Variants in PTPRG observed in about 807,000 individuals in gnomAD.
PTPRG encodes the protein protein tyrosine phosphatase receptor type G.
In PTPRG, 102 loss-of-function variants were observed where a neutral mutation model predicts 165.3. The ratio of observed to expected loss-of-function variants is 0.62; its 90% CI spans 0.53 to 0.73. The LOEUF is 0.73. PTPRG is among the 30% of genes least tolerant of loss of function. The pLI is 0.00. For synonymous variants in PTPRG, 675 were observed against 669.5 expected (o/e 1.01, Z -0.13); for missense variants, 1,866 against 1,861.4 (o/e 1.00, Z -0.05).
At chr3:61,928,292 C>G (rs1388933246) in intron 2 of PTPRG, among the ~76,000 whole-genome samples, 3 of 152,144 alleles carry the variant, frequency 2.0e-5, no homozygotes, top group Admixed American at 1.3e-4. Context: ...CTAGTCTCTC[C>G]TGCAGAATAA....
At chr3:61,997,884 C>T (rs1206662435) in intron 3 of PTPRG, among the ~76,000 whole-genome samples, 1 of 152,142 alleles carries the variant, frequency 6.6e-6, no homozygotes, top group African/African-American at 2.4e-5. Flanking sequence ...CAGGGCAACC[C>T]TCTGATGTCA....
chr3:62,181,264 C>T (rs185428157), intron 8 of PTPRG, among the ~76,000 whole-genome samples: 4 of 152,268 alleles, frequency 2.6e-5, no homozygotes, highest in Admixed American at 2.0e-4. Context: ...ATTCTGGCCT[C>T]GGCAGCCAGA....
At chr3:61,562,532 T>C (rs957769079) in intron 1 of PTPRG, among the ~76,000 whole-genome samples, 160 bp downstream of exon 1, 17 of 151,490 alleles carry the variant, frequency 1.1e-4, no homozygotes, top group African/African-American at 4.1e-4. Context: ...CTCCGCTGGC[T>C]TGGATGATGT....
chr3:61,941,313 C>G lies in PTPRG; in HGVS notation c.191-48312C>G, dbSNP rs72884141. Among the ~76,000 whole-genome samples, 749 of 152,344 alleles carry G rather than the reference C, an allele frequency of 4.9e-3. 8 individuals are homozygous for G. The highest frequency in any genetic ancestry group is 0.017 in the African/African-American group (716 of 41,584). ...TCTATCAGGGATAATCTCAGAGAGT[C>G]AGATGATCAGTTAAGAGGTCAGTGA... On this transcript the variant is annotated intron_variant, in intron 2 of 29. Transcript: ENST00000474889.
chr3:62,012,293 A>G (rs1435522860), intron 4 of PTPRG, among the ~76,000 whole-genome samples: 1 of 152,116 alleles, frequency 6.6e-6, no homozygotes, highest in Non-Finnish European at 1.5e-5. Flanking sequence ...CACCTTAACC[A>G]TAATTGGTTT....
At chr3:62,281,069 C>A (rs1041130214) in intron 26 of PTPRG, among the ~76,000 whole-genome samples, 1 of 151,944 alleles carries the variant, frequency 6.6e-6, no homozygotes, top group Non-Finnish European at 1.5e-5. Flanking sequence ...TTATAGTAAC[C>A]TTTTTACTAT....
chr3:62,255,046 G>A lies in PTPRG; in HGVS notation c.2468-78G>A, dbSNP rs1194805533. 1 of 1,222,848 alleles carries A rather than the reference G, an allele frequency of 8.2e-7. No homozygotes were observed. Among genetic ancestry groups the A allele is most frequent in the Non-Finnish European group, 1.2e-6 (1 of 856,138 alleles). The allele number at this position is 1,222,848 out of a possible 1,614,324, so 75.7% of individuals were successfully genotyped here. On this transcript the variant is annotated intron_variant, in intron 15 of 29. Transcript: ENST00000474889. This position sits in a 1 kb window ranked among gnomAD's most constrained non-coding sequence, Gnocchi z 4.0. Reference sequence around the variant, plus strand: ...TGCAAAAATCAAGTATTTGTCTTAAGGATGCTTTGCTTTATCAGTGTAATT... The same window carrying A: ...TGCAAAAATCAAGTATTTGTCTTAAAGATGCTTTGCTTTATCAGTGTAATT...
At chr3:61,736,987 C>T (rs775479531) in intron 1 of PTPRG, among the ~76,000 whole-genome samples, 3 of 152,148 alleles carry the variant, frequency 2.0e-5, no homozygotes, top group Non-Finnish European at 4.4e-5. Flanking sequence ...CCTGAAGGAT[C>T]CTGACTTGGT....
At chr3:62,268,886 G>C (rs1471239882) in intron 19 of PTPRG, 149 bp from the exon 20 acceptor site, 2 of 801,504 alleles carry the variant, frequency 2.5e-6, no homozygotes, top group South Asian at 6.8e-5. Flanking sequence ...GGTCACACCT[G>C]CCTTTAAGCA....
intron 6 of PTPRG, among the ~76,000 whole-genome samples, chr3:62,140,604 T>C (rs1164426504): frequency 6.6e-6 from 1 of 152,040 alleles, no homozygotes; most frequent in Non-Finnish European, 1.5e-5. Context: ...CCCAGCACTT[T>C]GGGAGGCCGA....
intron 4 of PTPRG, among the ~76,000 whole-genome samples, chr3:62,074,180 AGTGTGTGTGTGTGTGT>A (rs140019903): frequency 7.0e-6 from 1 of 143,598 alleles, no homozygotes; most frequent in Non-Finnish European, 1.5e-5. Context: ...AAAAAGTGAG[AGTGTGTGTGTGTGTGT>A]GTGTGTGTGT....
At chr3:62,064,721 ATTTTTTTTT>A (rs35605831) in intron 4 of PTPRG, among the ~76,000 whole-genome samples, 6 of 62,930 alleles carry the variant, frequency 9.5e-5, no homozygotes, top group South Asian at 8.2e-4. Flanking sequence ...GGTTATTTGG[ATTTTTTTTT>A]TTTTTTTTTT....
intron 2 of PTPRG, among the ~76,000 whole-genome samples, chr3:61,932,022 A>AT (rs1337704188): frequency 6.6e-6 from 1 of 151,964 alleles, no homozygotes; most frequent in Non-Finnish European, 1.5e-5. Context: ...TTCATTTTTT[A>AT]TTTTTTTACT....
chr3:61,737,247 G>A (rs183960999), intron 1 of PTPRG, among the ~76,000 whole-genome samples: 1 of 152,032 alleles, frequency 6.6e-6, no homozygotes, highest in East Asian at 1.9e-4. Flanking sequence ...TGTATCATGT[G>A]TGTTTCACTT....
chr3:61,652,765 G>A (rs1314522769), intron 1 of PTPRG, among the ~76,000 whole-genome samples: 2 of 152,136 alleles, frequency 1.3e-5, no homozygotes, highest in African/African-American at 4.8e-5. Context: ...AGTATTCCTG[G>A]CCTCCACTCA....
At chr3:61,767,700 G>A (rs2034070678) in intron 2 of PTPRG, among the ~76,000 whole-genome samples, 2 of 152,154 alleles carry the variant, frequency 1.3e-5, no homozygotes, top group Non-Finnish European at 2.9e-5. Flanking sequence ...TGGGCATAAT[G>A]GCTCATGCCT....
intron 26 of PTPRG, among the ~76,000 whole-genome samples, chr3:62,279,880 G>A (rs1702367217): frequency 6.6e-6 from 1 of 152,000 alleles, no homozygotes; most frequent in Non-Finnish European, 1.5e-5. Flanking sequence ...GGCATCCTCA[G>A]GAAAATGCCC....
At chr3:61,625,258 A>G (rs1376588395) in intron 1 of PTPRG, among the ~76,000 whole-genome samples, 1 of 150,656 alleles carries the variant, frequency 6.6e-6, no homozygotes, top group Admixed American at 6.7e-5. Flanking sequence ...ATCACAGTAC[A>G]TACGTAACAT....
chr3:62,218,734 A>G, intron 12 of PTPRG, 117 bp from the exon 13 acceptor site: 1 of 1,357,448 alleles, frequency 7.4e-7, no homozygotes, highest in Non-Finnish European at 1.0e-6. Context: ...GGGGCAGCTC[A>G]GAGCAAATGG....
Sources: gnomAD v4.1 joint callset for allele counts (sites outside exome capture counted in the v4.1 genomes callset) on GRCh38, gnomAD v4.1.1 for gene constraint, Gnocchi (gnomAD v3.1) non-coding constraint, MANE v1.5 for transcripts, NCBI Gene and HGNC (gene_info 2026-07-23, HGNC 2026-07-21) for gene names.